ADARB2: variants seen among roughly 807,000 people sequenced by gnomAD.
The protein encoded by ADARB2 is inactive double-stranded RNA-specific editase B2.
A neutral mutation model predicts 62.2 loss-of-function variants in ADARB2; 25 were observed. That is an observed-to-expected ratio of 0.40 (90% CI 0.29 to 0.56). The LOEUF (loss-of-function observed/expected upper bound fraction) is 0.56. Ranked by LOEUF, ADARB2 falls within the 20% of genes least tolerant of loss-of-function variation. The pLI is 0.43. For missense variants in ADARB2, 1,071 were observed against 1,077.4 expected (o/e 0.99, Z 0.08); for synonymous variants, 572 against 500.8 (o/e 1.14, Z -1.90).
At chr10:1,205,766 G>A (rs1174770077) in intron 7 of ADARB2, among the ~76,000 whole-genome samples, 2 of 152,272 alleles carry the variant, frequency 1.3e-5, no homozygotes, top group Admixed American at 6.5e-5. Context: ...CCTGTCGTGG[G>A]CCAGCGTGTT....
At position 1,496,578 on chromosome 10, in the gene ADARB2, T is replaced by A. The variant is rs118093117; in HGVS notation, c.101-117418A>T. On this transcript the variant is annotated intron_variant, in intron 1 of 9. Transcript: ENST00000381312. ...TAGTCATCATCATAACCATCATTAG[T>A]GTCAACATTGATGATACTAATCAAT... Among the ~76,000 whole-genome samples the A allele has an allele frequency of 2.0e-5, 3 of 152,188 alleles. No individual in the cohort carries two copies. The East Asian group carries it at 5.8e-4, about 29-fold the overall frequency.
chr10:1,245,379 C>A (rs1447238171), intron 4 of ADARB2, among the ~76,000 whole-genome samples: 3 of 151,954 alleles, frequency 2.0e-5, no homozygotes, highest in Non-Finnish European at 4.4e-5. Flanking sequence ...TGCACATGTG[C>A]ACAACGTGCA....
intron 1 of ADARB2, among the ~76,000 whole-genome samples, chr10:1,655,982 C>T (rs1282135793): frequency 6.6e-6 from 1 of 152,196 alleles, no homozygotes; most frequent in Non-Finnish European, 1.5e-5. Context: ...TGTGCCCACA[C>T]ACCTATATAT....
intron 1 of ADARB2, among the ~76,000 whole-genome samples, chr10:1,682,496 G>A (rs1387448650): frequency 6.6e-6 from 1 of 152,234 alleles, no homozygotes; most frequent in Non-Finnish European, 1.5e-5. Flanking sequence ...AGACCCGAAA[G>A]GACCACGGGT....
chr10:1,334,501 G>A lies in ADARB2; in HGVS notation c.1077+28527C>T, dbSNP rs573655988. ...TGTATATAATAAATACATTTATAGT[G>A]TATTGCATGTTTATATGTGTACATA... On this transcript the variant is annotated intron_variant, in intron 3 of 9. Coordinates refer to ENST00000381312, the MANE Select transcript of ADARB2 (RefSeq NM_018702.4). Among the ~76,000 whole-genome samples the A allele has an allele frequency of 4.6e-5, 7 of 152,220 alleles. No homozygotes were observed. The South Asian group carries it at 1.2e-3, about 27-fold the overall frequency.
chr10:1,670,252 G>A (rs921212369), intron 1 of ADARB2, among the ~76,000 whole-genome samples: 2 of 152,218 alleles, frequency 1.3e-5, no homozygotes, highest in African/African-American at 2.4e-5. Context: ...AAGTTAAAGA[G>A]ATAGTATTTG....
chr10:1,357,438 C>G (rs1405336810), intron 3 of ADARB2, among the ~76,000 whole-genome samples: 1 of 152,160 alleles, frequency 6.6e-6, no homozygotes, highest in Non-Finnish European at 1.5e-5. Context: ...GCACCACAAT[C>G]TCACCTCCTT....
At chr10:1,539,623 G>A (rs959780784) in intron 1 of ADARB2, among the ~76,000 whole-genome samples, 22 of 152,378 alleles carry the variant, frequency 1.4e-4, no homozygotes, top group Middle Eastern at 3.4e-3. Context: ...AGGAGAGCTA[G>A]TTATTGCCTT....
At chr10:1,518,250 G>A (rs933180235) in intron 1 of ADARB2, among the ~76,000 whole-genome samples, 1 of 152,326 alleles carries the variant, frequency 6.6e-6, no homozygotes, top group Non-Finnish European at 1.5e-5. Context: ...CAGAAAAAGT[G>A]AACTCAGAGC....
At chr10:1,251,409 G>T (rs1831036883) in intron 4 of ADARB2, among the ~76,000 whole-genome samples, 1 of 152,198 alleles carries the variant, frequency 6.6e-6, no homozygotes, top group Non-Finnish European at 1.5e-5. Flanking sequence ...GTCAGTGGTT[G>T]CCAGGGGATG....
intron 1 of ADARB2, among the ~76,000 whole-genome samples, chr10:1,715,321 G>A (rs1835004526): frequency 6.6e-6 from 1 of 151,988 alleles, no homozygotes; most frequent in African/African-American, 2.4e-5. Context: ...CTTTATCTAT[G>A]CCTTTTATGG....
intron 1 of ADARB2, among the ~76,000 whole-genome samples, chr10:1,512,777 C>T (rs1211194913): frequency 6.6e-6 from 1 of 152,178 alleles, no homozygotes; most frequent in African/African-American, 2.4e-5. Context: ...AGCAGGTGCT[C>T]TTACGTGTCC....
chr10:1,293,178 GGAGAGAAA>G (rs1831488790), intron 3 of ADARB2, among the ~76,000 whole-genome samples: 2 of 50,732 alleles, frequency 3.9e-5, no homozygotes, highest in Non-Finnish European at 8.6e-5. Context: ...GGGGAGAGGG[GGAGAGAAA>G]GACAGGAATA....
At chr10:1,588,382 G>A (rs1261206545) in intron 1 of ADARB2, among the ~76,000 whole-genome samples, 1 of 152,184 alleles carries the variant, frequency 6.6e-6, no homozygotes, top group East Asian at 1.9e-4. Context: ...GCCCTTCCTT[G>A]GGTTTTTGGA....
Position 1,233,780 on chromosome 10 carries a change from C to T in ADARB2, c.1427G>A (p.Arg476Gln), listed in dbSNP as rs757814695. The T allele has an allele frequency of 2.2e-5, 35 of 1,613,832 alleles. No individual in the cohort carries two copies. Among genetic ancestry groups the T allele is most frequent in the Admixed American group, 8.3e-5 (5 of 59,988 alleles). ...VRLKEGGYRL[R>Q]ENILFHLYVS... ...GTAGAGATGGAAGAGGATGTTCTCT[C>T]GCAGCCGGTAGCCACCTTCTTTTAA... The change falls in exon 6 of 10, where the codon CGA (arginine) becomes CAA (glutamine). Residue 476 changes from arginine to glutamine, a missense_variant. Physicochemically the swap from Arg to Gln is conservative, Grantham distance 43. Coordinates refer to ENST00000381312, the MANE Select transcript of ADARB2 (RefSeq NM_018702.4).
At chr10:1,470,167 G>A (rs1402736179) in intron 1 of ADARB2, among the ~76,000 whole-genome samples, 1 of 138,370 alleles carries the variant, frequency 7.2e-6, no homozygotes, top group Middle Eastern at 3.6e-3. Flanking sequence ...CCATGGTCCT[G>A]GGCAAATGAT....
intron 1 of ADARB2, among the ~76,000 whole-genome samples, chr10:1,434,011 C>G (rs1010702117): frequency 6.6e-6 from 1 of 152,080 alleles, no homozygotes; most frequent in African/African-American, 2.4e-5. Flanking sequence ...TACTATAGAA[C>G]ACGGAGGCTA....
At chr10:1,595,368 G>GC (rs1238473447) in intron 1 of ADARB2, among the ~76,000 whole-genome samples, 9 of 152,222 alleles carry the variant, frequency 5.9e-5, no homozygotes, top group African/African-American at 2.2e-4. Context: ...TGAGCACCCG[G>GC]CAGTGGCATC....
intron 6 of ADARB2, among the ~76,000 whole-genome samples, chr10:1,219,661 GTGA>G (rs1392708317): frequency 1.3e-5 from 2 of 152,218 alleles, no homozygotes; most frequent in Admixed American, 6.5e-5. Flanking sequence ...AATGGTGATG[GTGA>G]TGATAATGGT....
Sources: gnomAD v4.1 joint callset for allele counts (sites outside exome capture counted in the v4.1 genomes callset) on GRCh38, gnomAD v4.1.1 for gene constraint, MANE v1.5 for transcripts, NCBI Gene and HGNC (gene_info 2026-07-23, HGNC 2026-07-21) for gene names.